The following GPRC5B variants were observed in gnomAD, a reference collection of about 807,000 sequenced individuals.
The protein encoded by GPRC5B is G protein-coupled receptor class C group 5 member B, also known as G protein-coupled receptor family C group 5 member B.
A neutral mutation model predicts 30.1 loss-of-function variants in GPRC5B; 16 were observed. The ratio of observed to expected loss-of-function variants is 0.53; its 90% CI spans 0.36 to 0.81. The LOEUF (loss-of-function observed/expected upper bound fraction) is 0.81, where lower values mean the gene tolerates loss of function less well. Among genes scored for constraint, GPRC5B ranks in the 30% least tolerant of loss-of-function variants. The pLI, the probability that GPRC5B is intolerant of heterozygous loss-of-function variation, is 0.01. For missense variants in GPRC5B, 428 were observed against 544.7 expected (o/e 0.79, Z 2.13); for synonymous variants, 241 against 239.5 (o/e 1.01, Z -0.06).
intron 1 of GPRC5B, among the ~76,000 whole-genome samples, chr16:19,873,996 T>C (rs1373888485): frequency 6.6e-6 from 1 of 152,140 alleles, no homozygotes; most frequent in Non-Finnish European, 1.5e-5. Context: ...TTGGCCAGGC[T>C]GGTCTCGAAC....
chr16:19,872,914 C>G lies in GPRC5B; in HGVS notation c.-1-68G>C. 3.4e-6 allele frequency: 4 copies of G among 1,168,150 alleles called. No homozygotes were observed. Among genetic ancestry groups the G allele is most frequent in the Non-Finnish European group, 3.7e-6 (3 of 806,480 alleles). 72.4% of individuals were successfully genotyped at this position (1,168,150 alleles called of 1,614,324 possible). A position where few individuals can be genotyped will look rare whatever the true frequency, so the allele number is the denominator to read the frequency against. Reference sequence around the variant, plus strand: ...GAATTCATTGGAAGACTCCCCCTCTCCTGACTTCTTGAAGAAGACTCGCCT... The same window carrying G: ...GAATTCATTGGAAGACTCCCCCTCTGCTGACTTCTTGAAGAAGACTCGCCT... On this transcript the variant is annotated intron_variant, in intron 1 of 3. Transcript: ENST00000300571. This position sits in a 1 kb window ranked among gnomAD's most constrained non-coding sequence, Gnocchi z 5.0.
At position 19,856,850 on chromosome 16, in the gene GPRC5B, C is replaced by A; in HGVS notation, c.*3650G>T. ...CTGCTGTTAAAATGTACAATGAACTCTAGTCCCAAGGAATACAGAAGTGCT... is the reference window on the plus strand; with the variant it reads ...CTGCTGTTAAAATGTACAATGAACTATAGTCCCAAGGAATACAGAAGTGCT... On this transcript the variant is annotated 3_prime_UTR_variant, in exon 4 of 4. Transcript: ENST00000300571. The A allele has an allele frequency of 3.1e-6, 1 of 319,912 alleles. No homozygotes were observed. The highest frequency in any genetic ancestry group is 4.9e-5 in the Admixed American group (1 of 20,248). 19.8% of individuals were successfully genotyped at this position (319,912 alleles called of 1,614,324 possible).
In GPRC5B at chr16:19,860,558, T is replaced by C; in HGVS notation, c.1168-14A>G. ...AGCAGTTGGGATCTGGAATAACACA[T>C]AAGGATAACACACTGAGAACTCTGT... On this transcript the variant is annotated splice_polypyrimidine_tract_variant and intron_variant, in intron 3 of 3. Coordinates refer to ENST00000300571, the MANE Select transcript of GPRC5B (RefSeq NM_016235.3). 1.3e-6 allele frequency: 2 copies of C among 1,568,230 alleles called. No homozygotes were observed. Among genetic ancestry groups the C allele is most frequent in the Non-Finnish European group, 1.8e-6 (2 of 1,138,430 alleles).
rs771612264 is a variant in GPRC5B, at chr16:19,861,977, GGGGA to G, written c.1031-8_1031-5del. Reference sequence around the variant, plus strand: ...GGAAATCCTGCTGTTCGGAGAGCTGGGGGAGGGAGGGATTGGCAAGACAACATTG... The same window carrying G: ...GGAAATCCTGCTGTTCGGAGAGCTGGGGGAGGGATTGGCAAGACAACATTG... On this transcript the variant is annotated splice_region_variant and splice_polypyrimidine_tract_variant and intron_variant, in intron 2 of 3. Transcript: ENST00000300571. 2 of 1,613,820 alleles carry G rather than the reference GGGGA, an allele frequency of 1.2e-6. No homozygotes were observed. Among genetic ancestry groups the G allele is most frequent in the Admixed American group, 3.3e-5 (2 of 60,020 alleles).
At chr16:19,868,147 G>A (rs2056682041) in intron 2 of GPRC5B, among the ~76,000 whole-genome samples, 1 of 151,582 alleles carries the variant, frequency 6.6e-6, no homozygotes, top group Admixed American at 6.6e-5. Flanking sequence ...GGCCGAGGCG[G>A]GTGGATCACC....
chr16:19,871,874 C>T lies in GPRC5B; in HGVS notation c.972G>A (p.Val324=). The T allele has an allele frequency of 6.2e-7, 1 of 1,614,066 alleles. No individual in the cohort carries two copies. Residue 324 remains valine (V), a synonymous_variant, in exon 2 of 4, where the codon GTG becomes GTA. Coordinates refer to ENST00000300571, the MANE Select transcript of GPRC5B (RefSeq NM_016235.3). ...RMRETAFEED[V]QLPRAYMENK... The stretch of plus-strand genomic sequence containing the variant: ...TCTCCATATAGGCCCGCGGCAGCTG[C>T]ACGTCCTCCTCGAAGGCCGTCTCCC...
In GPRC5B at chr16:19,858,204, C is replaced by G. The variant is rs2056587671; in HGVS notation, c.*2296G>C. ...TGTAGTCATTAGAAAAAGAACAGCT[C>G]TCTCCCTTCTCCTCTCACTCCCGCC... On this transcript the variant is annotated 3_prime_UTR_variant, in exon 4 of 4. Transcript: ENST00000300571. The G allele has an allele frequency of 3.1e-5, 10 of 318,252 alleles. No homozygotes were observed. In the Admixed American group the frequency reaches 4.9e-4, roughly 16 times the overall value. 19.7% of individuals were successfully genotyped at this position (318,252 alleles called of 1,614,324 possible). A position where few individuals can be genotyped will look rare whatever the true frequency, so the allele number is the denominator to read the frequency against.
intron 2 of GPRC5B, among the ~76,000 whole-genome samples, chr16:19,870,505 G>A (rs781029764): frequency 6.6e-6 from 1 of 152,210 alleles, no homozygotes; most frequent in African/African-American, 2.4e-5. Flanking sequence ...TGAGGCTCAC[G>A]AAAGTAATAT....
Position 19,871,813 on chromosome 16 carries a change from T to C in GPRC5B, c.1030+3A>G. The stretch of plus-strand genomic sequence containing the variant: ...TGACCCAGCCGGGTGGTGCCCACTT[T>C]ACCTGCATTGTGTTCATCCATGGAG... On this transcript the variant is annotated splice_donor_region_variant and intron_variant, in intron 2 of 3. Transcript: ENST00000300571. 6.2e-7 allele frequency: 1 copy of C among 1,610,082 alleles called. No individual in the cohort carries two copies. Among genetic ancestry groups the C allele is most frequent in the Non-Finnish European group, 8.5e-7 (1 of 1,176,858 alleles).
Position 19,872,575 on chromosome 16 carries a change from T to C in GPRC5B, c.271A>G (p.Ser91Gly), listed in dbSNP as rs1394257015. ...LPFIKEKEKKSPVGLHFLFLL... is the reference protein window; with the variant it reads ...LPFIKEKEKKGPVGLHFLFLL... ...AACAGAAAGTGGAGGCCCACAGGGC[T>C]CTTCTTCTCCTTCTCCTTGATGAAG... Residue 91 changes from serine to glycine, a missense_variant, in exon 2 of 4, where the codon AGC (serine) becomes GGC (glycine). Ser to Gly is a moderately conservative substitution (Grantham distance 56). Coordinates refer to ENST00000300571, the MANE Select transcript of GPRC5B (RefSeq NM_016235.3). This position sits in a 1 kb window ranked among gnomAD's most constrained non-coding sequence, Gnocchi z 5.0. The C allele has an allele frequency of 6.2e-7, 1 of 1,613,842 alleles. No individual in the cohort carries two copies. The highest frequency in any genetic ancestry group is 2.2e-5 in the East Asian group (1 of 44,874).
At chr16:19,883,131 C>T (rs567101358) in intron 1 of GPRC5B, among the ~76,000 whole-genome samples, 1 of 152,336 alleles carries the variant, frequency 6.6e-6, no homozygotes, top group Non-Finnish European at 1.5e-5. Flanking sequence ...TCCCCAGCCC[C>T]GGGAGAGCAG....
chr16:19,885,242 C>A (rs189416028), upstream of GPRC5B: 318 of 1,288,428 alleles, frequency 2.5e-4, no homozygotes, highest in Admixed American at 6.4e-4. The surrounding 1 kb of genome is among the most constrained non-coding windows in gnomAD (Gnocchi z 5.3). Context: ...AGCGCGGAAG[C>A]CTTCCTGCCC....
At chr16:19,865,205 A>G (rs2056656955) in intron 2 of GPRC5B, among the ~76,000 whole-genome samples, 1 of 152,046 alleles carries the variant, frequency 6.6e-6, no homozygotes, top group Non-Finnish European at 1.5e-5. Context: ...CACTGCACCC[A>G]GCTTCATGTG....
At chr16:19,864,294 A>G (rs2056649999) in intron 2 of GPRC5B, among the ~76,000 whole-genome samples, 1 of 152,228 alleles carries the variant, frequency 6.6e-6, no homozygotes, top group Non-Finnish European at 1.5e-5. Flanking sequence ...CCCTAATGAG[A>G]TCTGACAGCC....
chr16:19,863,055 G>A (rs756092902), intron 2 of GPRC5B, among the ~76,000 whole-genome samples: 7 of 152,120 alleles, frequency 4.6e-5, no homozygotes, highest in Non-Finnish European at 8.8e-5. Flanking sequence ...TTCACAGAGC[G>A]CCAACCAGGA....
chr16:19,861,799 C>T (rs1347333007), intron 3 of GPRC5B, 38 bp downstream of exon 3: 9 of 1,597,544 alleles, frequency 5.6e-6, no homozygotes, highest in Non-Finnish European at 7.7e-6. Flanking sequence ...CCGTAGACTC[C>T]TAGGCTTCCT....
upstream of GPRC5B, chr16:19,884,893 C>A (rs549506014): frequency 4.4e-3 from 4,281 of 977,896 alleles, 138 homozygotes; most frequent in African/African-American, 0.069. Context: ...TGGCCCGGCC[C>A]GCGCTGCTGC....
chr16:19,858,597 TG>T lies in GPRC5B; in HGVS notation c.*1902del, dbSNP rs2056593802. ...GTTTTTTCACCGGACAGGACCGAGG[TG>T]TTTGAAGATTTCTTTCTTTTCAGAA... On this transcript the variant is annotated 3_prime_UTR_variant, in exon 4 of 4. Coordinates refer to ENST00000300571, the MANE Select transcript of GPRC5B (RefSeq NM_016235.3). The T allele has an allele frequency of 1.0e-5, 6 of 586,672 alleles. No homozygotes were observed. The highest frequency in any genetic ancestry group is 9.5e-5 in the African/African-American group (5 of 52,454). 36.3% of individuals were successfully genotyped at this position (586,672 alleles called of 1,614,324 possible).
chr16:19,865,521 A>G (rs1403024296), intron 2 of GPRC5B, among the ~76,000 whole-genome samples: 1 of 152,218 alleles, frequency 6.6e-6, no homozygotes, highest in Admixed American at 6.5e-5. Context: ...TTTATTATAC[A>G]TCATTTCACT....
Sources: allele counts gnomAD v4.1 joint callset (sites outside exome capture counted in the v4.1 genomes callset), GRCh38; gene constraint gnomAD v4.1.1; non-coding constraint Gnocchi (gnomAD v3.1); transcripts MANE v1.5; gene names NCBI Gene and HGNC (gene_info 2026-07-23, HGNC 2026-07-21).